Variants in PDE1C observed in about 807,000 individuals in gnomAD.
PDE1C encodes dual specificity calcium/calmodulin-dependent 3',5'-cyclic nucleotide phosphodiesterase 1C.
Under a neutral mutation model 93.1 loss-of-function variants are expected in PDE1C, and 62 were observed. The observed-to-expected ratio is 0.67, with a 90% confidence interval of 0.54 to 0.82. The LOEUF (loss-of-function observed/expected upper bound fraction) is 0.82. PDE1C is among the 40% of genes least tolerant of loss of function. PDE1C has a pLI of 0.00. For missense variants in PDE1C, 742 were observed against 884.6 expected, an observed-to-expected ratio of 0.84 and a Z score of 2.04; for synonymous variants, 325 against 310.1, an observed-to-expected ratio of 1.05 and a Z score of -0.50.
the PDE1C span, among the ~76,000 whole-genome samples, chr7:31,672,422 C>G: frequency 6.6e-6 from 1 of 152,128 alleles, no homozygotes; most frequent in Admixed American, 6.5e-5. Flanking sequence ...ACTTCACCAA[C>G]AACAACCTTA....
At chr7:32,132,922 ATTT>A (rs1563339981) in intron 3 of PDE1C, among the ~76,000 whole-genome samples, 1 of 152,160 alleles carries the variant, frequency 6.6e-6, no homozygotes, top group African/African-American at 2.4e-5. Flanking sequence ...TAACTCCGAG[ATTT>A]TTATTTTTTA....
intron 3 of PDE1C, among the ~76,000 whole-genome samples, chr7:32,084,443 C>T (rs190137170): frequency 0.014 from 2,042 of 147,342 alleles, 15 homozygotes; most frequent in Non-Finnish European, 0.015. Context: ...GACAGATCAA[C>T]GAGACAGAAA....
At chr7:31,909,616 A>T (rs1282266185) in intron 2 of PDE1C, among the ~76,000 whole-genome samples, 2 of 152,186 alleles carry the variant, frequency 1.3e-5, no homozygotes, top group Admixed American at 1.3e-4. Flanking sequence ...GCATTGTACA[A>T]AACATAGAAT....
intron 2 of PDE1C, among the ~76,000 whole-genome samples, chr7:32,037,357 C>G (rs1272484166): frequency 6.6e-6 from 1 of 152,026 alleles, no homozygotes; most frequent in Non-Finnish European, 1.5e-5. Context: ...GTAATTAAGG[C>G]AGGGAGTTGC....
intron 1 of PDE1C, among the ~76,000 whole-genome samples, chr7:32,277,383 T>C (rs1220133689): frequency 1.3e-5 from 2 of 152,238 alleles, no homozygotes; most frequent in Non-Finnish European, 2.9e-5. Context: ...AAATTGCCAA[T>C]GGGCATTTAG....
intron 1 of PDE1C, among the ~76,000 whole-genome samples, chr7:32,335,683 C>T (rs1783604691): frequency 6.6e-6 from 1 of 151,778 alleles, no homozygotes; most frequent in Non-Finnish European, 1.5e-5. Flanking sequence ...AGTGACCTTG[C>T]TTTACCTTAA....
At chr7:32,308,773 A>C (rs13238287) in intron 1 of PDE1C, among the ~76,000 whole-genome samples, 8,147 of 152,224 alleles carry the variant, frequency 0.054, 243 homozygotes, top group Middle Eastern at 0.13. Context: ...AAAGACCAAA[A>C]GTAGGTAAAA....
intron 1 of PDE1C, among the ~76,000 whole-genome samples, chr7:32,258,073 A>C (rs545435167): frequency 6.6e-6 from 1 of 152,348 alleles, no homozygotes; most frequent in South Asian, 2.1e-4. Context: ...GATGAATGGA[A>C]TAGTACCCCA....
At chr7:31,695,543 A>T in the PDE1C span, 2 of 1,613,908 alleles carry the variant, frequency 1.2e-6, no homozygotes, top group Non-Finnish European at 1.7e-6. Flanking sequence ...TGTACAGGCC[A>T]CCCTGAATGT....
chr7:31,658,474 G>C, the PDE1C span: 2 of 1,247,234 alleles, frequency 1.6e-6, no homozygotes, highest in Non-Finnish European at 2.1e-6. Context: ...AAAGAGGTTA[G>C]AGTATCAAAG....
At chr7:31,890,935 A>T (rs1421080323) in intron 2 of PDE1C, among the ~76,000 whole-genome samples, 1 of 152,062 alleles carries the variant, frequency 6.6e-6, no homozygotes, top group Non-Finnish European at 1.5e-5. Context: ...CAGCCCCACC[A>T]CACTGGGGAG....
At chr7:32,070,257 G>A in intron 1 of PDE1C, 36 bp downstream of exon 1, 1 of 1,613,404 alleles carries the variant, frequency 6.2e-7, no homozygotes, top group Non-Finnish European at 8.5e-7. Flanking sequence ...GATGGGAGCG[G>A]GAAATGGGGC....
the PDE1C span, among the ~76,000 whole-genome samples, chr7:31,624,821 C>T: frequency 2.6e-5 from 4 of 152,252 alleles, no homozygotes; most frequent in South Asian, 6.2e-4. Flanking sequence ...AAACTACCAT[C>T]AGAGTGAACA....
the PDE1C span, among the ~76,000 whole-genome samples, chr7:31,662,133 T>C: frequency 6.6e-6 from 1 of 152,204 alleles, no homozygotes; most frequent in African/African-American, 2.4e-5. Flanking sequence ...AAAAGTGATA[T>C]TGTTCAAGGG....
chr7:32,143,402 T>A (rs1169348985), intron 3 of PDE1C, among the ~76,000 whole-genome samples: 1 of 151,146 alleles, frequency 6.6e-6, no homozygotes, highest in African/African-American at 2.4e-5. Flanking sequence ...AAGGGTAGAA[T>A]CCTGAGAGAC....
the PDE1C span, among the ~76,000 whole-genome samples, chr7:31,689,488 G>A: frequency 2.0e-5 from 3 of 152,018 alleles, no homozygotes; most frequent in Non-Finnish European, 4.4e-5. Context: ...ACCTGCTTGG[G>A]GTAGAGACTG....
chr7:31,936,581 G>T (rs1359237865), intron 2 of PDE1C, among the ~76,000 whole-genome samples: 1 of 152,110 alleles, frequency 6.6e-6, no homozygotes, highest in Non-Finnish European at 1.5e-5. Context: ...TGAACATGAT[G>T]ATATCAAACA....
chr7:31,800,567 G>A (rs186224185), intron 16 of PDE1C, among the ~76,000 whole-genome samples: 1 of 151,234 alleles, frequency 6.6e-6, no homozygotes, highest in African/African-American at 2.4e-5. Flanking sequence ...TATTTTTGGA[G>A]TATCTAAGCT....
At chr7:32,274,373 T>G (rs1404445796) in intron 1 of PDE1C, among the ~76,000 whole-genome samples, 2 of 78,818 alleles carry the variant, frequency 2.5e-5, no homozygotes, top group Non-Finnish European at 5.6e-5. Context: ...ATGTCTGGCC[T>G]TTTTTTTTTT....
Sources: gnomAD v4.1 joint callset for allele counts (sites outside exome capture counted in the v4.1 genomes callset) on GRCh38, gnomAD v4.1.1 for gene constraint, MANE v1.5 for transcripts, NCBI Gene and HGNC (gene_info 2026-07-23, HGNC 2026-07-21) for gene names.